The following FITM2 variants were observed in gnomAD, a reference collection of about 807,000 sequenced individuals.
FITM2 encodes acyl-coenzyme A diphosphatase FITM2.
A neutral mutation model predicts 23.3 loss-of-function variants in FITM2; 16 were observed. The observed-to-expected ratio is 0.69, with a 90% CI of 0.47 to 1.05. The LOEUF (loss-of-function observed/expected upper bound fraction) is 1.05, where lower values mean the gene tolerates loss of function less well. Among genes scored for constraint, FITM2 ranks in the 50% least tolerant of loss-of-function variants. The probability of loss-of-function intolerance (pLI) is 0.00; values close to 1 mark genes in which losing one functional copy is unlikely to be tolerated. For synonymous variants in FITM2, 132 were observed against 142.0 expected (o/e 0.93, Z 0.50); for missense variants, 273 against 327.5 (o/e 0.83, Z 1.29).
Position 44,306,492 on chromosome 20 carries a change from G to T in FITM2, c.*133C>A. The T allele has an allele frequency of 7.9e-7, 1 of 1,262,288 alleles. No individual in the cohort carries two copies. The highest frequency in any genetic ancestry group is 1.1e-6 in the Non-Finnish European group (1 of 925,490). 78.2% of individuals were successfully genotyped at this position (1,262,288 alleles called of 1,614,324 possible). A position where few individuals can be genotyped will look rare whatever the true frequency, so the allele number is the denominator to read the frequency against. On this transcript the variant is annotated 3_prime_UTR_variant, in exon 2 of 2. Transcript: ENST00000396825. ...GACTAAACTCACTCCCCAGACTTCAGCACCACCCACCAAAACTGCCTGGTA... is the reference window on the plus strand; with the variant it reads ...GACTAAACTCACTCCCCAGACTTCATCACCACCCACCAAAACTGCCTGGTA...
Position 44,307,158 on chromosome 20 carries a change from T to G in FITM2, c.256A>C (p.Lys86Gln). 1 of 1,614,162 alleles carries G rather than the reference T, an allele frequency of 6.2e-7. No homozygotes were observed. The highest frequency in any genetic ancestry group is 8.5e-7 in the Non-Finnish European group (1 of 1,180,026). Residue 86 changes from lysine to glutamine, a missense_variant, in exon 2 of 2, where the codon AAG (lysine) becomes CAG (glutamine). By Grantham distance (53) the Lys-to-Gln change is moderately conservative. This residue lies in a region of FITM2 where 123 missense variants were observed against 117.9 expected (regional missense o/e 1.04). Coordinates refer to ENST00000396825, the MANE Select transcript of FITM2 (RefSeq NM_001080472.4). ...AGCCGCCGCAGGACCAAGCCAGCCT[T>G]GCCGGTCAGATGGTAGTTGGTGAGG... ...IALTNYHLTG[K>Q]AGLVLRRLST...
intron 1 of FITM2, among the ~76,000 whole-genome samples, chr20:44,307,806 G>A (rs775821359): frequency 6.6e-6 from 1 of 151,040 alleles, no homozygotes; most frequent in Non-Finnish European, 1.5e-5. Flanking sequence ...TCTATGAGTT[G>A]GCCGGGCGCG....
In FITM2 at chr20:44,304,379, G is replaced by A. The variant is rs1261488073; in HGVS notation, c.*2246C>T. 1 of 152,164 alleles carries A rather than the reference G, an allele frequency of 6.6e-6. No individual in the cohort carries two copies. Among genetic ancestry groups the A allele is most frequent in the Non-Finnish European group, 1.5e-5 (1 of 68,044 alleles). 9.4% of individuals were successfully genotyped at this position (152,164 alleles called of 1,614,324 possible). A position where few individuals can be genotyped will look rare whatever the true frequency, so the allele number is the denominator to read the frequency against. On this transcript the variant is annotated 3_prime_UTR_variant, in exon 2 of 2. Coordinates refer to ENST00000396825, the MANE Select transcript of FITM2 (RefSeq NM_001080472.4). ...GAGAAGAGGGGATATCTTATCACAG[G>A]GCGTGGAACTGTGCCTTTGTGGATG... is the stretch of plus-strand genomic sequence containing the variant.
intron 1 of FITM2, among the ~76,000 whole-genome samples, chr20:44,308,012 G>A (rs964900352): frequency 1.8e-4 from 28 of 152,162 alleles, no homozygotes; most frequent in African/African-American, 6.3e-4. Context: ...GCATGAACCC[G>A]GGAGGCGGAG....
chr20:44,310,631 A>G (rs2062702304), intron 1 of FITM2, among the ~76,000 whole-genome samples: 1 of 152,202 alleles, frequency 6.6e-6, no homozygotes, highest in South Asian at 2.1e-4. Flanking sequence ...GGCAGGGGTC[A>G]GCTCCTAACT....
chr20:44,307,153 A>T lies in FITM2; in HGVS notation c.261T>A (p.Ala87=), dbSNP rs578141457. The T allele has an allele frequency of 1.2e-6, 2 of 1,614,242 alleles. No homozygotes were observed. The highest frequency in any genetic ancestry group is 1.7e-5 in the Admixed American group (1 of 60,026). ...ALTNYHLTGK[A]GLVLRRLSTL... is the part of the protein sequence containing the mutation. ...TGCTCAGCCGCCGCAGGACCAAGCC[A>T]GCCTTGCCGGTCAGATGGTAGTTGG... The change falls in exon 2 of 2, where the codon GCT becomes GCA. Residue 87 remains alanine (A), a synonymous_variant. Coordinates refer to ENST00000396825, the MANE Select transcript of FITM2 (RefSeq NM_001080472.4).
At position 44,306,572 on chromosome 20, in the gene FITM2, A is replaced by G. The variant is rs897810709; in HGVS notation, c.*53T>C. On this transcript the variant is annotated 3_prime_UTR_variant, in exon 2 of 2. Transcript: ENST00000396825. ...TTAGCCAAATAACTAAGCAAAATAT[A>G]TATTTGAAAAATAGATTAGCCATTG... is the stretch of plus-strand genomic sequence containing the variant. 4 of 1,576,976 alleles carry G rather than the reference A, an allele frequency of 2.5e-6. No individual in the cohort carries two copies. The highest frequency in any genetic ancestry group is 3.4e-6 in the Non-Finnish European group (4 of 1,164,156).
rs764930400 is a variant in FITM2, at chr20:44,306,467, G to C, written c.*158C>G. 1.2e-5 allele frequency: 11 copies of C among 940,052 alleles called. No individual in the cohort carries two copies. Among genetic ancestry groups the C allele is most frequent in the Non-Finnish European group, 1.7e-5 (11 of 648,886 alleles). The allele number at this position is 940,052 out of a possible 1,614,324, so 58.2% of individuals were successfully genotyped here. On this transcript the variant is annotated 3_prime_UTR_variant, in exon 2 of 2. Coordinates refer to ENST00000396825, the MANE Select transcript of FITM2 (RefSeq NM_001080472.4). ...GTGATGTCGCCAAGAATAGTCTGAA[G>C]ACTAAACTCACTCCCCAGACTTCAG...
At chr20:44,307,869 C>T (rs1250476410) in intron 1 of FITM2, among the ~76,000 whole-genome samples, 1 of 151,884 alleles carries the variant, frequency 6.6e-6, no homozygotes, top group Non-Finnish European at 1.5e-5. Context: ...GGGCAGATCA[C>T]GAGGTCAGGA....
At position 44,311,144 on chromosome 20, in the gene FITM2, T is replaced by C; in HGVS notation, c.5A>G (p.Glu2Gly). 1 of 1,611,086 alleles carries C rather than the reference T, an allele frequency of 6.2e-7. No homozygotes were observed. The highest frequency in any genetic ancestry group is 1.1e-5 in the South Asian group (1 of 90,860). Reference protein sequence around the residue: MEHLERCEWLLR... With the variant: MGHLERCEWLLR... ...CAACCACTCGCAGCGCTCCAGATGC[T>C]CCATGCCGGATCTCGTCAGCCACCG... The change falls in exon 1 of 2, where the codon GAG becomes GGG. Residue 2 changes from glutamate (E) to glycine (G), a missense_variant. Coordinates refer to ENST00000396825, the MANE Select transcript of FITM2 (RefSeq NM_001080472.4).
intron 1 of FITM2, 71 bp downstream of exon 1, chr20:44,310,904 CA>C: frequency 6.7e-7 from 1 of 1,484,406 alleles, no homozygotes; most frequent in South Asian, 1.3e-5. Context: ...CGGCAGCTAG[CA>C]CCGGCTTCTC....
Position 44,304,931 on chromosome 20 carries a change from C to G in FITM2, c.*1694G>C, listed in dbSNP as rs2146088297. The stretch of plus-strand genomic sequence containing the variant: ...GAAACCAGGGTCTCACTATGTTGCC[C>G]AGGCTGGTCTCAAACTCCTGGGATC... On this transcript the variant is annotated 3_prime_UTR_variant, in exon 2 of 2. Transcript: ENST00000396825. 1 of 152,306 alleles carries G rather than the reference C, an allele frequency of 6.6e-6. No individual in the cohort carries two copies. The highest frequency in any genetic ancestry group is 2.1e-4 in the South Asian group (1 of 4,828). 9.4% of individuals were successfully genotyped at this position (152,306 alleles called of 1,614,324 possible).
chr20:44,307,597 T>C (rs2062694227), intron 1 of FITM2, among the ~76,000 whole-genome samples: 1 of 151,688 alleles, frequency 6.6e-6, no homozygotes, highest in Non-Finnish European at 1.5e-5. Flanking sequence ...GGCTAATTTT[T>C]GTATTTTTAG....
intron 1 of FITM2, among the ~76,000 whole-genome samples, chr20:44,310,581 A>G (rs545058376): frequency 6.6e-6 from 1 of 152,298 alleles, no homozygotes; most frequent in South Asian, 2.1e-4. Context: ...GGTCTGCCAC[A>G]GGCAGGCAGG....
In FITM2 at chr20:44,311,193, C is replaced by T. The variant is rs760305499; in HGVS notation, c.-45G>A. 51 of 1,585,016 alleles carry T rather than the reference C, an allele frequency of 3.2e-5. No homozygotes were observed. The highest frequency in any genetic ancestry group is 4.0e-5 in the Non-Finnish European group (47 of 1,164,922). On this transcript the variant is annotated 5_prime_UTR_variant, in exon 1 of 2. Coordinates refer to ENST00000396825, the MANE Select transcript of FITM2 (RefSeq NM_001080472.4). The stretch of plus-strand genomic sequence containing the variant: ...CGTCCTCCTCTCCGTGCCCTCTCGG[C>T]CACCGTATCGCCCTTCGCCCGGACC...
rs529273007 is a variant in FITM2, at chr20:44,310,114, G to GTT, written c.173+860_173+861dup. Reference sequence around the variant, plus strand: ...GAAGCTGCCTGTGAAAGGAACCAGGGTTTTAAGCAGATAACCAAAGTTGGG... The same window carrying GTT: ...GAAGCTGCCTGTGAAAGGAACCAGGGTTTTTTAAGCAGATAACCAAAGTTGGG... On this transcript the variant is annotated intron_variant, in intron 1 of 1. Transcript: ENST00000396825. 1.2e-3 allele frequency among the ~76,000 whole-genome samples: 183 copies of GTT among 152,302 alleles called. 2 individuals are homozygous for GTT. The highest frequency in any genetic ancestry group is 4.3e-3 in the African/African-American group (177 of 41,560).
In FITM2 at chr20:44,307,003, C is replaced by T; in HGVS notation, c.411G>A (p.Lys137=). ...LEGVRKEHQS[K]QQCHQEGGFW... Reference sequence around the variant, plus strand: ...AGCCCCCTTCCTGGTGGCACTGCTGCTTGCTCTGGTGTTCCTTTCTGACCC... The same window carrying T: ...AGCCCCCTTCCTGGTGGCACTGCTGTTTGCTCTGGTGTTCCTTTCTGACCC... Residue 137 remains lysine (K), a synonymous_variant, in exon 2 of 2, where the codon AAG becomes AAA. Coordinates refer to ENST00000396825, the MANE Select transcript of FITM2 (RefSeq NM_001080472.4). The T allele has an allele frequency of 6.2e-7, 1 of 1,614,246 alleles. No homozygotes were observed. The highest frequency in any genetic ancestry group is 8.5e-7 in the Non-Finnish European group (1 of 1,180,052).
intron 1 of FITM2, among the ~76,000 whole-genome samples, chr20:44,309,247 T>G (rs1023904954): frequency 6.6e-6 from 1 of 152,190 alleles, no homozygotes; most frequent in African/African-American, 2.4e-5. Flanking sequence ...TGGCATGATC[T>G]CAGCTCACTG....
chr20:44,310,834 C>T, intron 1 of FITM2, 142 bp downstream of exon 1: 1 of 1,191,858 alleles, frequency 8.4e-7, no homozygotes, highest in Non-Finnish European at 1.2e-6. Flanking sequence ...GCGTGACACG[C>T]GTGCAGATGC....
Sources: gnomAD v4.1 joint callset for allele counts (sites outside exome capture counted in the v4.1 genomes callset) on GRCh38, gnomAD v4.1.1 for gene constraint, gnomAD v4.1.1 regional missense constraint, MANE v1.5 for transcripts, NCBI Gene and HGNC (gene_info 2026-07-23, HGNC 2026-07-21) for gene names.